The following CLCN1 variants were observed in gnomAD, a reference collection of about 807,000 sequenced individuals.
CLCN1 encodes the protein chloride voltage-gated channel 1.
CLCN1 carries 100 observed loss-of-function variants against 114.5 expected under a neutral mutation model. The ratio of observed to expected loss-of-function variants is 0.87; its 90% CI spans 0.74 to 1.03. CLCN1 has a LOEUF of 1.03. Ranked by LOEUF, CLCN1 falls within the 50% of genes least tolerant of loss-of-function variation. CLCN1 has a pLI of 0.00. For synonymous variants in CLCN1, 485 were observed against 487.1 expected, an observed-to-expected ratio of 1.00 and a Z score of 0.06; for missense variants, 1,188 against 1,250.0, an observed-to-expected ratio of 0.95 and a Z score of 0.75.
Position 143,323,277 on chromosome 7 carries a change from T to C in CLCN1, c.697-32T>C, listed in dbSNP as rs568066590. ...TGCTGCAGAGCCTCCATCTGGCCTCTGACCCCCGCCCCCTCGCTCCCCCTC... is the reference window on the plus strand; with the variant it reads ...TGCTGCAGAGCCTCCATCTGGCCTCCGACCCCCGCCCCCTCGCTCCCCCTC... On this transcript the variant is annotated intron_variant, in intron 5 of 22. Transcript: ENST00000343257. The C allele has an allele frequency of 4.8e-6, 6 of 1,252,252 alleles. No homozygotes were observed. The South Asian group carries it at 7.1e-5, about 15-fold the overall frequency. 77.6% of individuals were successfully genotyped at this position (1,252,252 alleles called of 1,614,324 possible).
At chr7:143,338,224 A>G (rs1802965569) in intron 12 of CLCN1, among the ~76,000 whole-genome samples, 1 of 152,144 alleles carries the variant, frequency 6.6e-6, no homozygotes, top group Admixed American at 6.5e-5. Context: ...GTTCTAGCTT[A>G]CAAAATTGGC....
intron 7 of CLCN1, among the ~76,000 whole-genome samples, chr7:143,326,209 G>A (rs1391560057): frequency 7.5e-6 from 1 of 132,896 alleles, no homozygotes; most frequent in Non-Finnish European, 1.5e-5. Flanking sequence ...GTAGAGACAG[G>A]GTTTAACCAT....
At chr7:143,335,783 ACCTGTAGCTGGGACTACAGGTG>A (rs1802866900) in intron 12 of CLCN1, among the ~76,000 whole-genome samples, 2 of 148,364 alleles carry the variant, frequency 1.3e-5, no homozygotes, top group African/African-American at 2.5e-5. Flanking sequence ...CCTCAGCCTT[ACCTGTAGCTGGGACTACAGGTG>A]CCCGCCACCA....
At chr7:143,325,247 A>G (rs765789591) in intron 7 of CLCN1, among the ~76,000 whole-genome samples, 8 of 152,238 alleles carry the variant, frequency 5.3e-5, no homozygotes, top group Non-Finnish European at 2.9e-5. Context: ...CACCAAGTTG[A>G]TATGTGAAGA....
chr7:143,318,892 A>G (rs1226656285), intron 1 of CLCN1, among the ~76,000 whole-genome samples: 1 of 152,162 alleles, frequency 6.6e-6, no homozygotes, highest in Non-Finnish European at 1.5e-5. Context: ...TGCGGTGTAA[A>G]ATGCTGCTCA....
chr7:143,318,829 C>T (rs1238447633), intron 1 of CLCN1, among the ~76,000 whole-genome samples: 1 of 152,186 alleles, frequency 6.6e-6, no homozygotes, highest in Non-Finnish European at 1.5e-5. Context: ...GTCACTGACC[C>T]AGAAGACAAA....
At chr7:143,331,365 G>C (rs749098208) in intron 9 of CLCN1, 49 bp downstream of exon 9, 1 of 1,404,288 alleles carries the variant, frequency 7.1e-7, no homozygotes, top group Admixed American at 1.7e-5. Flanking sequence ...TGTGGAGTGA[G>C]GCTGTAGATT....
chr7:143,324,546 A>G lies in CLCN1; in HGVS notation c.853+54A>G, dbSNP rs951553344. On this transcript the variant is annotated intron_variant, in intron 7 of 22. Coordinates refer to ENST00000343257, the MANE Select transcript of CLCN1 (RefSeq NM_000083.3). The surrounding 1 kb of genome is among the most constrained non-coding windows in gnomAD (Gnocchi z 4.6). ...TCGGCTTGCCTGGCCTGGCTCCCAA[A>G]ACAGTTTTAATCAGTATCCACAAGT... is the stretch of plus-strand genomic sequence containing the variant. The G allele has an allele frequency of 7.3e-7, 1 of 1,371,924 alleles. No individual in the cohort carries two copies. Among genetic ancestry groups the G allele is most frequent in the Non-Finnish European group, 1.0e-6 (1 of 960,046 alleles). The allele number at this position is 1,371,924 out of a possible 1,614,324, so 85.0% of individuals were successfully genotyped here.
intron 7 of CLCN1, among the ~76,000 whole-genome samples, chr7:143,328,491 G>A (rs936345908): frequency 6.6e-6 from 1 of 152,174 alleles, no homozygotes; most frequent in Non-Finnish European, 1.5e-5. Context: ...ATTAAAATTA[G>A]CTCTCATTCC....
chr7:143,341,324 C>T (rs534708783), intron 14 of CLCN1, among the ~76,000 whole-genome samples: 6 of 151,958 alleles, frequency 3.9e-5, no homozygotes, highest in East Asian at 3.9e-4. Flanking sequence ...TTTGGGAGGC[C>T]GAGGCAGGCA....
At chr7:143,328,868 C>T (rs1381980159) in intron 7 of CLCN1, among the ~76,000 whole-genome samples, 2 of 152,160 alleles carry the variant, frequency 1.3e-5, no homozygotes, top group Non-Finnish European at 1.5e-5. Context: ...CTCATCCTGT[C>T]CTTTCCTCTC....
chr7:143,329,668 A>AT (rs762428994), intron 7 of CLCN1, among the ~76,000 whole-genome samples: 27 of 152,302 alleles, frequency 1.8e-4, no homozygotes, highest in Non-Finnish European at 3.8e-4. Context: ...CCCTGTTCAC[A>AT]TGGAGAGAAA....
chr7:143,316,261 G>A lies in CLCN1; in HGVS notation c.49G>A (p.Gly17Ser). Residue 17 changes from glycine to serine, a missense_variant, in exon 1 of 23, where the codon GGT becomes AGT. Physicochemically the swap from Gly to Ser is moderately conservative, Grantham distance 56. Coordinates refer to ENST00000343257, the MANE Select transcript of CLCN1 (RefSeq NM_000083.3). ...QQRGGEQSWW[G>S]SDPQYQYMPF... ...GCGTGGGGGTGAACAAAGCTGGTGG[G>A]GTAGTGACCCCCAGTACCAGTATAT... 1 of 1,613,832 alleles carries A rather than the reference G, an allele frequency of 6.2e-7. No homozygotes were observed. The highest frequency in any genetic ancestry group is 8.5e-7 in the Non-Finnish European group (1 of 1,179,820).
Position 143,351,740 on chromosome 7 carries a change from T to C in CLCN1, c.2742T>C (p.Pro914=). The C allele has an allele frequency of 6.2e-7, 1 of 1,614,168 alleles. No homozygotes were observed. The highest frequency in any genetic ancestry group is 1.3e-5 in the African/African-American group (1 of 75,042). Residue 914 remains proline, a synonymous_variant, in exon 23 of 23, where the codon CCT becomes CCC. Coordinates refer to ENST00000343257, the MANE Select transcript of CLCN1 (RefSeq NM_000083.3). Reference sequence around the variant, plus strand: ...ACTGGAACCTGCCTGAGGACAGGCCTGGGGCCACTGGAACAGGGGATGTGA... The same window carrying C: ...ACTGGAACCTGCCTGAGGACAGGCCCGGGGCCACTGGAACAGGGGATGTGA... ...AENWNLPEDR[P]GATGTGDVIA...
chr7:143,342,139 T>C lies in CLCN1; in HGVS notation c.1793T>C (p.Leu598Pro). The change falls in exon 15 of 23, where the codon CTC (leucine) becomes CCC (proline). Residue 598 changes from leucine (L) to proline (P), a missense_variant. Coordinates refer to ENST00000343257, the MANE Select transcript of CLCN1 (RefSeq NM_000083.3). ...TTGCCTGACCTTGGCTGGAACCAGC[T>C]CAGGTCAGGGGCACTAGACGGAATT... ...PYLPDLGWNQLSKYTIFVEDI... is the reference protein window; with the variant it reads ...PYLPDLGWNQPSKYTIFVEDI... The C allele has an allele frequency of 1.2e-6, 2 of 1,613,690 alleles. No individual in the cohort carries two copies. The highest frequency in any genetic ancestry group is 2.2e-5 in the South Asian group (2 of 91,062).
chr7:143,349,992 TGTTTGAAGAGCA>T (rs1334100086), intron 20 of CLCN1, among the ~76,000 whole-genome samples: 10 of 151,954 alleles, frequency 6.6e-5, no homozygotes, highest in African/African-American at 9.7e-5. Context: ...GGGGAAGGCA[TGTTTGAAGAGCA>T]GAAAGCAGTC....
At chr7:143,320,912 C>A in intron 3 of CLCN1, 117 bp downstream of exon 3, 3 of 1,248,198 alleles carry the variant, frequency 2.4e-6, no homozygotes, top group South Asian at 1.2e-5. Flanking sequence ...GCGAATATTG[C>A]GCAGAGAGGG....
chr7:143,319,958 G>T, intron 2 of CLCN1, 83 bp downstream of exon 2: 1 of 1,411,832 alleles, frequency 7.1e-7, no homozygotes. Context: ...CCCATTGCAC[G>T]TACGTACTCC....
Position 143,345,428 on chromosome 7 carries a change from T to C in CLCN1, c.1931-93T>C. The C allele has an allele frequency of 4.3e-6, 6 of 1,411,642 alleles. No individual in the cohort carries two copies. The South Asian group carries it at 9.3e-5, about 22-fold the overall frequency. The allele number at this position is 1,411,642 out of a possible 1,614,324, so 87.4% of individuals were successfully genotyped here. On this transcript the variant is annotated intron_variant, in intron 16 of 22. Transcript: ENST00000343257. ...AAAGATGTGGGGACGCCGGGCAGGG[T>C]GGCGCCTCTCCTGTTCCTTCTCAGG...
Sources: allele counts gnomAD v4.1 joint callset (sites outside exome capture counted in the v4.1 genomes callset), GRCh38; gene constraint gnomAD v4.1.1; non-coding constraint Gnocchi (gnomAD v3.1); transcripts MANE v1.5; gene names NCBI Gene and HGNC (gene_info 2026-07-23, HGNC 2026-07-21).